Variants in RBMS3 observed in about 807,000 individuals in gnomAD.
The protein encoded by RBMS3 is RNA binding motif single stranded interacting protein 3, also known as RNA-binding motif, single-stranded-interacting protein 3.
Under a neutral mutation model 66.8 loss-of-function variants are expected in RBMS3, and 27 were observed. That is an observed-to-expected ratio of 0.40 (90% CI 0.30 to 0.56). RBMS3 has a LOEUF of 0.56. Among genes scored for constraint, RBMS3 ranks in the 20% least tolerant of loss-of-function variants. RBMS3 has a pLI of 0.40. For missense variants in RBMS3, 513 were observed against 549.5 expected, an observed-to-expected ratio of 0.93 and a Z score of 0.66; for synonymous variants, 188 against 183.0, an observed-to-expected ratio of 1.03 and a Z score of -0.22.
At position 29,679,472 on chromosome 3, in the gene RBMS3, T is replaced by C. The variant is rs376068657; in HGVS notation, c.400-60248T>C. 2.6e-5 allele frequency among the ~76,000 whole-genome samples: 4 copies of C among 152,286 alleles called. No homozygotes were observed. In the East Asian group the frequency reaches 7.7e-4, roughly 29 times the overall value. On this transcript the variant is annotated intron_variant, in intron 4 of 14. Coordinates refer to ENST00000383767, the MANE Select transcript of RBMS3 (RefSeq NM_001003793.3). Reference sequence around the variant, plus strand: ...TGTTTAAATGGAAACGACCTGGAGATGTAATTGCCAAAATTTAATCAAGCA... The same window carrying C: ...TGTTTAAATGGAAACGACCTGGAGACGTAATTGCCAAAATTTAATCAAGCA...
chr3:29,698,348 G>A, intron 4 of RBMS3: 1 of 985,344 alleles, frequency 1.0e-6, no homozygotes, highest in Non-Finnish European at 1.2e-6. Context: ...AATAAAACCG[G>A]AGCAGTTTGT....
intron 2 of RBMS3, among the ~76,000 whole-genome samples, chr3:29,486,301 A>C (rs2043314337): frequency 6.6e-6 from 1 of 152,148 alleles, no homozygotes; most frequent in African/African-American, 2.4e-5. Flanking sequence ...CTAGCTTTGC[A>C]AATTAATTGT....
At chr3:29,422,502 G>C (rs1207187210) in intron 1 of RBMS3, among the ~76,000 whole-genome samples, 2 of 151,894 alleles carry the variant, frequency 1.3e-5, no homozygotes, top group African/African-American at 4.8e-5. Context: ...GGTTTGAGGT[G>C]CATTGACTTA....
intron 1 of RBMS3, among the ~76,000 whole-genome samples, chr3:29,360,849 A>G (rs904285615): frequency 2.0e-5 from 3 of 151,924 alleles, no homozygotes; most frequent in Non-Finnish European, 4.4e-5. Context: ...AGTGTGTTTC[A>G]TCAGAGACTA....
intron 4 of RBMS3, among the ~76,000 whole-genome samples, chr3:29,733,522 G>A (rs1029926342): frequency 9.9e-5 from 15 of 151,938 alleles, no homozygotes; most frequent in Non-Finnish European, 2.1e-4. Context: ...GTCCTCACCA[G>A]CATTGGTTAT....
intron 6 of RBMS3, among the ~76,000 whole-genome samples, chr3:29,804,428 T>A (rs937750177): frequency 1.1e-4 from 16 of 152,082 alleles, no homozygotes; most frequent in African/African-American, 3.9e-4. Context: ...ACATGCCAAG[T>A]AACTCAGAGG....
intron 7 of RBMS3, among the ~76,000 whole-genome samples, chr3:29,875,186 C>G (rs1409193171): frequency 4.6e-5 from 7 of 152,126 alleles, no homozygotes; most frequent in Non-Finnish European, 7.3e-5. Context: ...GTGTCCTGGC[C>G]ATCCCAGCCT....
intron 4 of RBMS3, among the ~76,000 whole-genome samples, chr3:29,682,389 A>G (rs1013067374): frequency 3.9e-5 from 6 of 152,184 alleles, no homozygotes; most frequent in Non-Finnish European, 7.3e-5. Flanking sequence ...TCCTGACCTC[A>G]TGATCCGCCG....
intron 6 of RBMS3, among the ~76,000 whole-genome samples, chr3:29,797,977 G>A (rs2057255998): frequency 6.6e-6 from 1 of 151,654 alleles, no homozygotes; most frequent in South Asian, 2.1e-4. Context: ...TTGTTAATTG[G>A]CCTAATTTCA....
Position 29,357,994 on chromosome 3 carries a change from C to G in RBMS3, c.75+76238C>G, listed in dbSNP as rs540640063. On this transcript the variant is annotated intron_variant, in intron 1 of 14. Transcript: ENST00000383767. ...GATTACAAAAATTTTCTCCTATTCT[C>G]TAGGTTGCCTGTTCACTCTGATGGT... Among the ~76,000 whole-genome samples the G allele has an allele frequency of 3.2e-3, 487 of 152,188 alleles. 1 individual carries two copies. Among genetic ancestry groups the G allele is most frequent in the African/African-American group, 0.011 (447 of 41,536 alleles).
chr3:29,828,773 A>AT (rs35294168), intron 6 of RBMS3, among the ~76,000 whole-genome samples: 43 of 151,632 alleles, frequency 2.8e-4, no homozygotes, highest in East Asian at 1.4e-3. Context: ...AAAAGTAGTG[A>AT]TTTTTTTTTC....
At chr3:29,694,089 C>T (rs1454406780) in intron 4 of RBMS3, among the ~76,000 whole-genome samples, 1 of 151,830 alleles carries the variant, frequency 6.6e-6, no homozygotes, top group East Asian at 1.9e-4. Flanking sequence ...GTATTTGAAA[C>T]ATGTATGGAA....
At chr3:29,746,439 T>A (rs936299437) in intron 5 of RBMS3, among the ~76,000 whole-genome samples, 1 of 152,350 alleles carries the variant, frequency 6.6e-6, no homozygotes, top group Admixed American at 6.5e-5. Context: ...ACAACTGTGT[T>A]TTCTGAGATT....
At chr3:29,928,211 TACACACAC>T (rs1175604100) in intron 10 of RBMS3, among the ~76,000 whole-genome samples, 1 of 93,506 alleles carries the variant, frequency 1.1e-5, no homozygotes, top group African/African-American at 4.2e-5. Context: ...TATATATATA[TACACACAC>T]ACACACACAC....
chr3:29,762,724 T>C (rs2055747091), intron 5 of RBMS3, among the ~76,000 whole-genome samples, 186 bp from the exon 6 acceptor site: 1 of 152,128 alleles, frequency 6.6e-6, no homozygotes, highest in South Asian at 2.1e-4. Context: ...TGAATAATAC[T>C]TTCTAAGCAT....
rs942094218 is a variant in RBMS3 at position 29,450,032 on chromosome 3, CTG to C, written c.248+15118_248+15119del. Among the ~76,000 whole-genome samples the C allele has an allele frequency of 2.5e-4, 38 of 152,184 alleles. 1 individual carries two copies. Among genetic ancestry groups the C allele is most frequent in the South Asian group, 2.1e-4 (1 of 4,820 alleles). ...TTCAATTGAGAGTTTTCTGGGAAAA[CTG>C]AGAGAAGCAGAGGAACCACAGCCCC... On this transcript the variant is annotated intron_variant, in intron 2 of 14. Coordinates refer to ENST00000383767, the MANE Select transcript of RBMS3 (RefSeq NM_001003793.3).
intron 4 of RBMS3, among the ~76,000 whole-genome samples, chr3:29,732,001 T>G (rs888915731): frequency 5.9e-5 from 9 of 151,410 alleles, no homozygotes; most frequent in African/African-American, 2.2e-4. Flanking sequence ...CCCTCTCTTT[T>G]TCTCTCCCTC....
intron 1 of RBMS3, among the ~76,000 whole-genome samples, chr3:29,357,093 C>A (rs1321536716): frequency 2.6e-5 from 4 of 152,004 alleles, no homozygotes; most frequent in Non-Finnish European, 4.4e-5. Flanking sequence ...TACATGTGCA[C>A]AACGTGCAGG....
intron 1 of RBMS3, among the ~76,000 whole-genome samples, chr3:29,386,131 T>C (rs1380285715): frequency 6.6e-6 from 1 of 152,132 alleles, no homozygotes; most frequent in Non-Finnish European, 1.5e-5. Context: ...GTATATCCAA[T>C]TGACTTTTGT....
Sources: allele counts gnomAD v4.1 joint callset (sites outside exome capture counted in the v4.1 genomes callset), GRCh38; gene constraint gnomAD v4.1.1; transcripts MANE v1.5; gene names NCBI Gene and HGNC (gene_info 2026-07-23, HGNC 2026-07-21).